Variants in ELOVL5 observed in about 807,000 individuals in gnomAD.
ELOVL5 encodes very long chain fatty acid elongase 5.
Under a neutral mutation model 38.6 loss-of-function variants are expected in ELOVL5, and 8 were observed. The observed-to-expected ratio is 0.21, with a 90% CI of 0.12 to 0.37. The LOEUF (loss-of-function observed/expected upper bound fraction) is 0.37. ELOVL5 is among the 10% of genes least tolerant of loss of function. ELOVL5 has a pLI of 1.00. For missense variants in ELOVL5, 280 were observed against 367.8 expected (o/e 0.76, Z 1.95); for synonymous variants, 127 against 133.7 (o/e 0.95, Z 0.34).
At chr6:53,294,534 G>A (rs1445629844) in intron 2 of ELOVL5, 1 of 1,526,084 alleles carries the variant, frequency 6.6e-7, no homozygotes. Flanking sequence ...AAGGATCCTT[G>A]GTTACATCAT....
chr6:53,343,211 CTTCT>C (rs1357011525), intron 1 of ELOVL5, among the ~76,000 whole-genome samples: 1 of 130,596 alleles, frequency 7.7e-6, no homozygotes, highest in East Asian at 2.3e-4. Context: ...CCCTCCTTTC[CTTCT>C]TTCTTTATTT....
chr6:53,294,026 T>A lies in ELOVL5; in HGVS notation c.58+1616A>T. On this transcript the variant is annotated intron_variant, in intron 2 of 7. Transcript: ENST00000304434. ...ACCAGTTCCCACTTAGCAACTAACA[T>A]CAGACTGTTATTTTGTATGAACATA... is the stretch of plus-strand genomic sequence containing the variant. 3.6e-6 allele frequency: 4 copies of A among 1,101,120 alleles called. No homozygotes were observed. The South Asian group carries it at 1.4e-4, about 37-fold the overall frequency. 68.2% of individuals were successfully genotyped at this position (1,101,120 alleles called of 1,614,324 possible). A position where few individuals can be genotyped will look rare whatever the true frequency, so the allele number is the denominator to read the frequency against.
intron 1 of ELOVL5, among the ~76,000 whole-genome samples, chr6:53,315,276 G>C (rs1459062838): frequency 6.6e-6 from 1 of 152,030 alleles, no homozygotes; most frequent in Non-Finnish European, 1.5e-5. Context: ...CCATCATAGG[G>C]ACTCCACCCT....
chr6:53,333,649 C>T (rs79134189), intron 1 of ELOVL5, among the ~76,000 whole-genome samples: 1 of 152,094 alleles, frequency 6.6e-6, no homozygotes, highest in Non-Finnish European at 1.5e-5. Flanking sequence ...GAAGGGAGAA[C>T]AAGAAATTTA....
At position 53,307,095 on chromosome 6, in the gene ELOVL5, G is replaced by A. The variant is rs79091244; in HGVS notation, c.-8-11388C>T. On this transcript the variant is annotated intron_variant, in intron 1 of 7. Transcript: ENST00000304434. ...CAGGCTACCAGCCATTTGAAAGGCA[G>A]TTGACTCACTGAGTTAAAAACTATT... Among the ~76,000 whole-genome samples the A allele has an allele frequency of 3.9e-3, 593 of 152,334 alleles. 7 individuals are homozygous for A. Among genetic ancestry groups the A allele is most frequent in the African/African-American group, 0.013 (560 of 41,572 alleles).
At chr6:53,271,515 A>C (rs954620192) in intron 6 of ELOVL5, among the ~76,000 whole-genome samples, 14 of 151,398 alleles carry the variant, frequency 9.2e-5, no homozygotes, top group African/African-American at 3.2e-4. Context: ...GCGCCACTGC[A>C]CTCCAGCCTG....
chr6:53,344,766 T>C (rs1769467121), intron 1 of ELOVL5, among the ~76,000 whole-genome samples: 1 of 152,244 alleles, frequency 6.6e-6, no homozygotes, highest in South Asian at 2.1e-4. Flanking sequence ...TCCTGCCTTC[T>C]AAACCAGCTT....
Position 53,275,186 on chromosome 6 carries a change from T to C in ELOVL5, c.400A>G (p.Lys134Glu). 6.2e-7 allele frequency: 1 copy of C among 1,614,198 alleles called. No individual in the cohort carries two copies. Among genetic ancestry groups the C allele is most frequent in the Non-Finnish European group, 8.5e-7 (1 of 1,180,028 alleles). ...FMDTFFFILR[K>E]NNHQITVLHV... Reference sequence around the variant, plus strand: ...AGGACCGTGATCTGGTGGTTGTTCTTGCGCAGGATGAAGAAGAAAGTGTCC... The same window carrying C: ...AGGACCGTGATCTGGTGGTTGTTCTCGCGCAGGATGAAGAAGAAAGTGTCC... The change falls in exon 5 of 8, where the codon AAG becomes GAG. Residue 134 changes from lysine to glutamate, a missense_variant. Lys to Glu is a moderately conservative substitution (Grantham distance 56, BLOSUM62 1). This residue lies in a region of ELOVL5 where 150 missense variants were observed against 178.0 expected (regional missense o/e 0.84). Coordinates refer to ENST00000304434, the MANE Select transcript of ELOVL5 (RefSeq NM_021814.5).
At chr6:53,347,981 AGAC>A (rs1769636749) in intron 1 of ELOVL5, among the ~76,000 whole-genome samples, 1 of 151,890 alleles carries the variant, frequency 6.6e-6, no homozygotes, top group Middle Eastern at 3.4e-3. Context: ...ACAACTCGCA[AGAC>A]AACACACACT....
intron 1 of ELOVL5, among the ~76,000 whole-genome samples, chr6:53,313,689 C>T (rs9395858): frequency 0.2 from 30,696 of 152,066 alleles, 3,309 homozygotes; most frequent in East Asian, 0.33. Context: ...CTGTCAGATT[C>T]CAGATGTTTT....
intron 1 of ELOVL5, among the ~76,000 whole-genome samples, chr6:53,321,917 G>C (rs1768317243): frequency 6.6e-6 from 1 of 152,138 alleles, no homozygotes; most frequent in South Asian, 2.1e-4. Context: ...TTTGTTAACA[G>C]GTCACCCATG....
intron 3 of ELOVL5, among the ~76,000 whole-genome samples, chr6:53,284,335 C>T (rs1375949256): frequency 6.6e-6 from 1 of 150,522 alleles, no homozygotes; most frequent in East Asian, 1.9e-4. Flanking sequence ...GTAGAAATAA[C>T]TCCTGACAAC....
Position 53,273,327 on chromosome 6 carries a change from G to A in ELOVL5, c.514C>T (p.Leu172Phe), listed in dbSNP as rs756040737. Reference protein sequence around the residue: ...PCGHSYFGATLNSFIHVLMYS... With the variant: ...PCGHSYFGATFNSFIHVLMYS... ...ATGAGGACGTGGATGAAGCTATTAA[G>A]TGTGGCACCAAAATAAGCTGCAGGA... is the stretch of plus-strand genomic sequence containing the variant. Residue 172 changes from leucine (L) to phenylalanine (F), a missense_variant, in exon 6 of 8, where the codon CTT (leucine) becomes TTT (phenylalanine). Leu to Phe is a conservative substitution (Grantham distance 22, BLOSUM62 0). Transcript: ENST00000304434. The A allele has an allele frequency of 1.2e-6, 2 of 1,613,258 alleles. No homozygotes were observed. Among genetic ancestry groups the A allele is most frequent in the Non-Finnish European group, 8.5e-7 (1 of 1,179,506 alleles).
intron 1 of ELOVL5, among the ~76,000 whole-genome samples, chr6:53,329,015 A>G (rs964599103): frequency 6.6e-6 from 1 of 152,256 alleles, no homozygotes; most frequent in Admixed American, 6.5e-5. Flanking sequence ...CACCTGGTGA[A>G]GTTCACATGT....
At chr6:53,307,337 T>G in intron 1 of ELOVL5, among the ~76,000 whole-genome samples, 1 of 152,208 alleles carries the variant, frequency 6.6e-6, no homozygotes, top group Non-Finnish European at 1.5e-5. Flanking sequence ...CTGTGTAACC[T>G]TGGGCAAGTT....
At chr6:53,343,041 G>A (rs931766720) in intron 1 of ELOVL5, among the ~76,000 whole-genome samples, 1 of 152,176 alleles carries the variant, frequency 6.6e-6, no homozygotes, top group Admixed American at 6.5e-5. Flanking sequence ...TTGAAACTGG[G>A]GTTGGTGGTG....
chr6:53,287,911 C>T (rs1028445166), intron 3 of ELOVL5: 1 of 1,535,700 alleles, frequency 6.5e-7, no homozygotes, highest in Non-Finnish European at 8.7e-7. Flanking sequence ...TCGTGAGGCA[C>T]AGGCAGATCG....
intron 1 of ELOVL5, among the ~76,000 whole-genome samples, chr6:53,326,431 C>A (rs918386159): frequency 6.6e-6 from 1 of 152,158 alleles, no homozygotes; most frequent in South Asian, 2.1e-4. Flanking sequence ...TACCTGCTTT[C>A]CCTAGCCCAA....
intron 1 of ELOVL5, among the ~76,000 whole-genome samples, chr6:53,320,461 G>C (rs182006476): frequency 2.0e-5 from 3 of 151,854 alleles, no homozygotes; most frequent in Admixed American, 2.0e-4. Flanking sequence ...CTCAGCCTCC[G>C]AGTAGCTGGG....
Sources: gnomAD v4.1 joint callset for allele counts (sites outside exome capture counted in the v4.1 genomes callset) on GRCh38, gnomAD v4.1.1 for gene constraint, gnomAD v4.1.1 regional missense constraint, MANE v1.5 for transcripts, NCBI Gene and HGNC (gene_info 2026-07-23, HGNC 2026-07-21) for gene names.